CLCN3: variants seen among roughly 807,000 people sequenced by gnomAD.
CLCN3 encodes H(+)/Cl(-) exchange transporter 3.
In CLCN3, 16 loss-of-function variants were observed where a neutral mutation model predicts 83.4. The ratio of observed to expected loss-of-function variants is 0.19; its 90% CI spans 0.13 to 0.29. The LOEUF is 0.29. Among genes scored for constraint, CLCN3 ranks in the 10% least tolerant of loss-of-function variants. The pLI, the probability that CLCN3 is intolerant of heterozygous loss-of-function variation, is 1.00. For missense variants in CLCN3, 544 were observed against 1,006.0 expected (o/e 0.54, Z 6.21); for synonymous variants, 322 against 346.2 (o/e 0.93, Z 0.78).
At chr4:169,699,009 C>T (rs760626785) in intron 9 of CLCN3, among the ~76,000 whole-genome samples, 6 of 152,198 alleles carry the variant, frequency 3.9e-5, no homozygotes, top group Non-Finnish European at 5.9e-5. Context: ...TTTAGGCCCA[C>T]GCAGATAAAT....
chr4:169,648,450 A>G (rs1364547290), intron 2 of CLCN3, among the ~76,000 whole-genome samples: 2 of 152,226 alleles, frequency 1.3e-5, no homozygotes, highest in Non-Finnish European at 2.9e-5. Flanking sequence ...TAAATGATGA[A>G]AAATATAAGG....
chr4:169,721,074 ATTCTT>A lies in CLCN3; in HGVS notation c.*1087_*1091del, dbSNP rs753004464. The A allele has an allele frequency of 2.6e-4, 39 of 152,322 alleles. No individual in the cohort carries two copies. The highest frequency in any genetic ancestry group is 8.3e-4 in the South Asian group (4 of 4,836). 9.4% of individuals were successfully genotyped at this position (152,322 alleles called of 1,614,324 possible). A position where few individuals can be genotyped will look rare whatever the true frequency, so the allele number is the denominator to read the frequency against. The stretch of plus-strand genomic sequence containing the variant: ...TTTTAAAATTGAAATTAGATCAGTC[ATTCTT>A]TTCTTTTCTCAAGATATCTCATGGC... On this transcript the variant is annotated 3_prime_UTR_variant, in exon 13 of 13. Transcript: ENST00000513761.
intron 9 of CLCN3, among the ~76,000 whole-genome samples, chr4:169,702,197 C>T (rs1732814804): frequency 6.6e-6 from 1 of 152,176 alleles, no homozygotes; most frequent in Admixed American, 6.5e-5. Context: ...TCACCATCAT[C>T]ACCTGATGGT....
chr4:169,653,963 T>G (rs1442262035), intron 2 of CLCN3, among the ~76,000 whole-genome samples: 2 of 152,174 alleles, frequency 1.3e-5, no homozygotes, highest in Non-Finnish European at 2.9e-5. Context: ...AAATCGCATT[T>G]CAACATGAGA....
intron 6 of CLCN3, among the ~76,000 whole-genome samples, 196 bp downstream of exon 6, chr4:169,690,848 T>C (rs891370981): frequency 6.6e-6 from 1 of 152,180 alleles, no homozygotes; most frequent in Non-Finnish European, 1.5e-5. Flanking sequence ...GGTCATTTAC[T>C]GTGAAGGCTG....
chr4:169,632,079 C>G (rs1220350072), intron 1 of CLCN3, among the ~76,000 whole-genome samples: 1 of 152,078 alleles, frequency 6.6e-6, no homozygotes, highest in African/African-American at 2.4e-5. Context: ...ACCCCGATAC[C>G]AAAACCTGGC....
At chr4:169,714,851 T>C (rs1307275920) in intron 12 of CLCN3, among the ~76,000 whole-genome samples, 3 of 152,282 alleles carry the variant, frequency 2.0e-5, no homozygotes, top group Middle Eastern at 6.8e-3. Flanking sequence ...AGAAGAGATG[T>C]ATTCATAAGT....
At chr4:169,680,240 T>G (rs1390012324) in intron 3 of CLCN3, 33 bp downstream of exon 3, 1 of 1,483,598 alleles carries the variant, frequency 6.7e-7, no homozygotes, top group Non-Finnish European at 9.3e-7. Context: ...TTTAAAAACA[T>G]AGTGCATAAT....
intron 2 of CLCN3, among the ~76,000 whole-genome samples, chr4:169,676,585 A>G (rs1731686969): frequency 6.6e-6 from 1 of 151,476 alleles, no homozygotes; most frequent in Non-Finnish European, 1.5e-5. Context: ...ACCTGGGCTC[A>G]AGCAATTCTC....
chr4:169,672,126 G>A (rs1280574628), intron 2 of CLCN3, among the ~76,000 whole-genome samples: 1 of 151,862 alleles, frequency 6.6e-6, no homozygotes, highest in East Asian at 1.9e-4. Context: ...GCAGGAGAAT[G>A]GCCTGAACCC....
At chr4:169,702,088 G>A (rs757200746) in intron 9 of CLCN3, among the ~76,000 whole-genome samples, 4 of 152,154 alleles carry the variant, frequency 2.6e-5, no homozygotes, top group South Asian at 2.1e-4. Flanking sequence ...GAAAGCTGCC[G>A]ATCGCTAGTT....
At chr4:169,702,834 G>A (rs1732848387) in intron 9 of CLCN3, 2 of 272,132 alleles carry the variant, frequency 7.3e-6, no homozygotes, top group African/African-American at 2.2e-5. Context: ...TGTAGTCCCA[G>A]CTACTCACGA....
At chr4:169,712,181 C>G (rs1322807812) in intron 11 of CLCN3, among the ~76,000 whole-genome samples, 1 of 152,054 alleles carries the variant, frequency 6.6e-6, no homozygotes, top group Non-Finnish European at 1.5e-5. Flanking sequence ...TTCACTATAA[C>G]AAATATCATA....
intron 2 of CLCN3, among the ~76,000 whole-genome samples, chr4:169,671,674 A>G (rs1049786405): frequency 6.6e-6 from 1 of 152,158 alleles, no homozygotes; most frequent in African/African-American, 2.4e-5. Context: ...GGGATACTGT[A>G]ATATCGAATC....
chr4:169,679,696 C>G (rs1487251117), intron 2 of CLCN3, among the ~76,000 whole-genome samples: 1 of 152,188 alleles, frequency 6.6e-6, no homozygotes, highest in Non-Finnish European at 1.5e-5. Context: ...GGAGACCAGC[C>G]CGGCCAACAC....
intron 2 of CLCN3, among the ~76,000 whole-genome samples, chr4:169,656,530 A>C (rs1242816874): frequency 6.6e-6 from 1 of 152,184 alleles, no homozygotes; most frequent in Non-Finnish European, 1.5e-5. Context: ...TGGGGATTAC[A>C]ATGCAACATG....
chr4:169,658,622 C>A (rs749334095), intron 2 of CLCN3, among the ~76,000 whole-genome samples: 40 of 152,042 alleles, frequency 2.6e-4, no homozygotes, highest in Non-Finnish European at 5.3e-4. Flanking sequence ...TACAGTTAGC[C>A]TTTGTCAAAG....
chr4:169,651,972 AAAG>A (rs1393184201), intron 2 of CLCN3, among the ~76,000 whole-genome samples: 9 of 152,308 alleles, frequency 5.9e-5, no homozygotes, highest in African/African-American at 2.2e-4. Flanking sequence ...GTAGGGAAAA[AAAG>A]AAGAAATCCA....
At chr4:169,640,551 A>C (rs1396713194) in intron 2 of CLCN3, among the ~76,000 whole-genome samples, 3 of 152,220 alleles carry the variant, frequency 2.0e-5, no homozygotes, top group African/African-American at 7.2e-5. Context: ...AAAGCTGAAA[A>C]AGTAGGCCTG....
Sources: gnomAD v4.1 joint callset for allele counts (sites outside exome capture counted in the v4.1 genomes callset) on GRCh38, gnomAD v4.1.1 for gene constraint, MANE v1.5 for transcripts, NCBI Gene and HGNC (gene_info 2026-07-23, HGNC 2026-07-21) for gene names.